NCAM2: variants seen among roughly 807,000 people sequenced by gnomAD.
NCAM2 encodes neural cell adhesion molecule 2.
Under a neutral mutation model 98.1 loss-of-function variants are expected in NCAM2, and 30 were observed. The ratio of observed to expected loss-of-function variants is 0.31; its 90% confidence interval spans 0.23 to 0.41. NCAM2 has a LOEUF of 0.41. Among genes scored for constraint, NCAM2 ranks in the 10% least tolerant of loss-of-function variants. NCAM2 has a pLI of 1.00. For missense variants in NCAM2, 867 were observed against 1,005.8 expected, an observed-to-expected ratio of 0.86 and a Z score of 1.87; for synonymous variants, 368 against 342.4, an observed-to-expected ratio of 1.07 and a Z score of -0.83.
chr21:21,053,035 C>T (rs999629592), intron 1 of NCAM2, among the ~76,000 whole-genome samples: 3 of 151,210 alleles, frequency 2.0e-5, no homozygotes, highest in Admixed American at 6.6e-5. Flanking sequence ...TTACTTACAG[C>T]GGACAAACTT....
intron 6 of NCAM2, among the ~76,000 whole-genome samples, chr21:21,331,525 A>ATATATACTC (rs2074691364): frequency 7.9e-5 from 2 of 25,332 alleles, no homozygotes; most frequent in African/African-American, 1.3e-4. Flanking sequence ...CTCTATATAT[A>ATATATACTC]TATATATATA....
intron 1 of NCAM2, among the ~76,000 whole-genome samples, chr21:21,055,603 C>T (rs1568973932): frequency 6.6e-6 from 1 of 151,990 alleles, no homozygotes; most frequent in South Asian, 2.1e-4. Flanking sequence ...GGAAAAACAG[C>T]TTCTTAGTAA....
At chr21:21,258,316 G>T (rs2071755055) in intron 1 of NCAM2, among the ~76,000 whole-genome samples, 1 of 152,172 alleles carries the variant, frequency 6.6e-6, no homozygotes, top group Admixed American at 6.6e-5. Context: ...TCAGATGCCA[G>T]TTCTGCTCAG....
At chr21:21,506,170 A>T (rs561866950) in intron 15 of NCAM2, among the ~76,000 whole-genome samples, 1 of 152,276 alleles carries the variant, frequency 6.6e-6, no homozygotes, top group East Asian at 1.9e-4. Flanking sequence ...CAGAAGAGTG[A>T]TCCATTCAAA....
intron 1 of NCAM2, among the ~76,000 whole-genome samples, chr21:21,029,147 G>C (rs1894738760): frequency 6.6e-6 from 1 of 152,112 alleles, no homozygotes; most frequent in Non-Finnish European, 1.5e-5. Flanking sequence ...CATATAAACT[G>C]TTCATTAACA....
intron 1 of NCAM2, among the ~76,000 whole-genome samples, chr21:21,057,273 G>A (rs1019008712): frequency 1.3e-5 from 2 of 152,034 alleles, no homozygotes; most frequent in Non-Finnish European, 2.9e-5. Context: ...AGAAGAAGGA[G>A]GGTGATTGCA....
At chr21:21,255,158 A>G (rs1233099003) in intron 1 of NCAM2, among the ~76,000 whole-genome samples, 1 of 152,138 alleles carries the variant, frequency 6.6e-6, no homozygotes, top group Non-Finnish European at 1.5e-5. Flanking sequence ...GGATCGTAGT[A>G]GCCCTTTATG....
At chr21:21,470,697 C>A (rs760473796) in intron 14 of NCAM2, among the ~76,000 whole-genome samples, 1 of 152,010 alleles carries the variant, frequency 6.6e-6, no homozygotes, top group African/African-American at 2.4e-5. Flanking sequence ...TAATTTCCAA[C>A]CCTTTCTAAC....
At chr21:21,023,721 AT>A (rs2064483960) in intron 1 of NCAM2, among the ~76,000 whole-genome samples, 1 of 152,054 alleles carries the variant, frequency 6.6e-6, no homozygotes, top group Non-Finnish European at 1.5e-5. Context: ...CTATAATCTA[AT>A]TTACTCATAT....
chr21:21,354,908 T>TC (rs906853911), intron 8 of NCAM2, among the ~76,000 whole-genome samples: 15 of 152,314 alleles, frequency 9.8e-5, no homozygotes, highest in South Asian at 2.1e-4. Context: ...AGCAATTTCT[T>TC]CCCTTTTTTC....
At chr21:21,411,675 A>C (rs1007274908) in intron 10 of NCAM2, among the ~76,000 whole-genome samples, 1 of 152,118 alleles carries the variant, frequency 6.6e-6, no homozygotes, top group Admixed American at 6.6e-5. Flanking sequence ...AGGTTGCTAC[A>C]TTTTATTCAC....
intron 1 of NCAM2, among the ~76,000 whole-genome samples, chr21:21,204,156 G>C (rs2069346713): frequency 6.6e-6 from 1 of 152,220 alleles, no homozygotes; most frequent in Non-Finnish European, 1.5e-5. Flanking sequence ...TGCTGAGTCA[G>C]AGCTCACATA....
intron 1 of NCAM2, among the ~76,000 whole-genome samples, chr21:21,209,032 A>G (rs2069546622): frequency 6.6e-6 from 1 of 152,226 alleles, no homozygotes; most frequent in Non-Finnish European, 1.5e-5. Flanking sequence ...ATGTAAAAAT[A>G]ATTCTGAATC....
intron 6 of NCAM2, among the ~76,000 whole-genome samples, chr21:21,330,803 A>T (rs1206208975): frequency 1.3e-5 from 2 of 152,126 alleles, no homozygotes; most frequent in African/African-American, 4.8e-5. Context: ...GATGGAAAAA[A>T]ATGATACCAT....
At chr21:21,461,421 C>T (rs1982958236) in intron 12 of NCAM2, among the ~76,000 whole-genome samples, 1 of 151,732 alleles carries the variant, frequency 6.6e-6, no homozygotes, top group South Asian at 2.1e-4. Flanking sequence ...TTGAGTATAA[C>T]TTATACTCAT....
At chr21:21,204,429 G>A (rs1048153820) in intron 1 of NCAM2, among the ~76,000 whole-genome samples, 23 of 152,164 alleles carry the variant, frequency 1.5e-4, no homozygotes, top group African/African-American at 5.5e-4. Flanking sequence ...GTTGCATAAT[G>A]TTTTTAAATC....
chr21:21,246,655 T>G (rs1384289798), intron 1 of NCAM2, among the ~76,000 whole-genome samples: 3 of 152,142 alleles, frequency 2.0e-5, no homozygotes, highest in Non-Finnish European at 2.9e-5. Flanking sequence ...TTATTGCAGT[T>G]TCTAGATATT....
intron 6 of NCAM2, 63 bp downstream of exon 6, chr21:21,324,563 G>T: frequency 1.1e-6 from 1 of 936,520 alleles, no homozygotes; most frequent in Non-Finnish European, 1.5e-6. Context: ...AACAGTATTG[G>T]GGATCTTAAT....
At chr21:21,289,793 G>A (rs2073229035) in intron 4 of NCAM2, among the ~76,000 whole-genome samples, 1 of 151,834 alleles carries the variant, frequency 6.6e-6, no homozygotes, top group African/African-American at 2.4e-5. Flanking sequence ...ATCATTAAAG[G>A]GATTTAATCA....
Sources: gnomAD v4.1 joint callset for allele counts (sites outside exome capture counted in the v4.1 genomes callset) on GRCh38, gnomAD v4.1.1 for gene constraint, MANE v1.5 for transcripts, NCBI Gene and HGNC (gene_info 2026-07-23, HGNC 2026-07-21) for gene names.